Variants in ZC3H18 observed in about 807,000 individuals in gnomAD.
ZC3H18 encodes the protein zinc finger CCCH-type containing 18.
Under a neutral mutation model 106.1 loss-of-function variants are expected in ZC3H18, and 8 were observed. The ratio of observed to expected loss-of-function variants is 0.08; its 90% CI spans 0.04 to 0.14. The LOEUF is 0.14. Ranked by LOEUF, ZC3H18 falls within the 10% of genes least tolerant of loss-of-function variation. The pLI is 1.00. For synonymous variants in ZC3H18, 635 were observed against 522.1 expected, an observed-to-expected ratio of 1.22 and a Z score of -2.95; for missense variants, 1,318 against 1,278.4, an observed-to-expected ratio of 1.03 and a Z score of -0.47.
At chr16:88,611,182 T>C (rs958173710) in intron 7 of ZC3H18, 86 bp from the exon 8 acceptor site, 10 of 696,438 alleles carry the variant, frequency 1.4e-5, no homozygotes, top group African/African-American at 5.3e-5. Context: ...CACAGACAGA[T>C]CGCGTGGTGT....
At chr16:88,616,078 T>A (rs1463803384) in intron 8 of ZC3H18, among the ~76,000 whole-genome samples, 3 of 152,174 alleles carry the variant, frequency 2.0e-5, no homozygotes, top group African/African-American at 7.2e-5. Flanking sequence ...AGAGGGTAAC[T>A]CTGCCAGCAT....
intron 2 of ZC3H18, among the ~76,000 whole-genome samples, chr16:88,578,846 AC>A (rs1914931978): frequency 6.6e-6 from 1 of 152,040 alleles, no homozygotes; most frequent in Non-Finnish European, 1.5e-5. Context: ...GCCCGCCACC[AC>A]TGGCTAATTT....
At chr16:88,622,558 G>C in intron 9 of ZC3H18, 170 bp downstream of exon 9, 1 of 707,926 alleles carries the variant, frequency 1.4e-6, no homozygotes, top group South Asian at 2.1e-5. Flanking sequence ...CTTCAGCAAA[G>C]AGCATCAATG....
chr16:88,617,226 C>A (rs1905669231), intron 8 of ZC3H18, among the ~76,000 whole-genome samples: 1 of 152,168 alleles, frequency 6.6e-6, no homozygotes, highest in African/African-American at 2.4e-5. Flanking sequence ...TACTGGCTAG[C>A]TTGTCCCCGT....
intron 11 of ZC3H18, 139 bp downstream of exon 11, chr16:88,624,201 C>T: frequency 8.2e-7 from 1 of 1,220,544 alleles, no homozygotes; most frequent in Non-Finnish European, 1.1e-6. Context: ...CAGGGGGTGA[C>T]TGGGCTGGGA....
At chr16:88,592,015 T>C (rs898049632) in intron 3 of ZC3H18, among the ~76,000 whole-genome samples, 35 of 152,208 alleles carry the variant, frequency 2.3e-4, no homozygotes, top group Non-Finnish European at 4.1e-4. Context: ...GGTGGTTGTG[T>C]GTTTCATCTT....
chr16:88,597,390 A>C (rs1185890816), intron 3 of ZC3H18, among the ~76,000 whole-genome samples: 1 of 152,234 alleles, frequency 6.6e-6, no homozygotes, highest in Non-Finnish European at 1.5e-5. Flanking sequence ...TTTAAAATCT[A>C]ACTGCATGTT....
intron 8 of ZC3H18, among the ~76,000 whole-genome samples, chr16:88,617,315 T>G (rs888106493): frequency 6.6e-6 from 1 of 152,154 alleles, no homozygotes; most frequent in Non-Finnish European, 1.5e-5. Flanking sequence ...GAGACGGAGT[T>G]GTGCCGCTCT....
chr16:88,580,156 CTGTGTGTGTGTGTGTGTGTG>C lies in ZC3H18; in HGVS notation c.603+2464_603+2483del, dbSNP rs56406234. ...CCTCTCTGTCGTGACACAGGTTCAT[CTGTGTGTGTGTGTGTGTGTG>C]TGTGTGTGTGTGTGTGTGTGTGTGT... On this transcript the variant is annotated intron_variant, in intron 2 of 17. Transcript: ENST00000301011. Among the ~76,000 whole-genome samples, 11 of 126,962 alleles carry C rather than the reference CTGTGTGTGTGTGTGTGTGTG, an allele frequency of 8.7e-5. No homozygotes were observed. In the South Asian group the frequency reaches 2.7e-3, roughly 31 times the overall value. 83.3% of individuals were successfully genotyped at this position (126,962 alleles called of 152,430 possible).
chr16:88,605,453 G>T (rs957070659), intron 6 of ZC3H18, among the ~76,000 whole-genome samples: 2 of 152,246 alleles, frequency 1.3e-5, no homozygotes, highest in African/African-American at 4.8e-5. Context: ...AGGGGGCTGC[G>T]TCGCTGCTCC....
chr16:88,587,661 T>TA (rs1915515150), intron 3 of ZC3H18: 1 of 1,483,564 alleles, frequency 6.7e-7, no homozygotes, highest in African/African-American at 1.4e-5. Context: ...AAAGTCCCCC[T>TA]ACTCCAGAGG....
rs532810559 is a variant in ZC3H18, at chr16:88,595,911, C to T, written c.689-2267C>T. 2.0e-5 allele frequency among the ~76,000 whole-genome samples: 3 copies of T among 152,246 alleles called. No homozygotes were observed. The East Asian group carries it at 5.8e-4, about 29-fold the overall frequency. On this transcript the variant is annotated intron_variant, in intron 3 of 17. Coordinates refer to ENST00000301011, the MANE Select transcript of ZC3H18 (RefSeq NM_144604.4). ...CACATTCCCGACAGTTGGGTGTGTT[C>T]CTACACAGATAAAAGTTCACATTTT...
intron 8 of ZC3H18, among the ~76,000 whole-genome samples, chr16:88,621,854 G>C (rs959923506): frequency 1.3e-5 from 2 of 152,142 alleles, no homozygotes; most frequent in Non-Finnish European, 2.9e-5. Flanking sequence ...TATTAGACAC[G>C]GCAGACACCA....
intron 17 of ZC3H18, among the ~76,000 whole-genome samples, chr16:88,630,871 G>T (rs573064685): frequency 6.6e-6 from 1 of 152,170 alleles, no homozygotes; most frequent in Admixed American, 6.6e-5. Context: ...AGAATAACAG[G>T]AGGTTGTGCG....
At position 88,631,424 on chromosome 16, in the gene ZC3H18, T is replaced by A; in HGVS notation, c.*125T>A. ...AAAAAGTAAAAAAGAAAAAAAAGTT[T>A]CTCAGCTGGAAAAGAAGCCACACAG... is the stretch of plus-strand genomic sequence containing the variant. On this transcript the variant is annotated 3_prime_UTR_variant, in exon 18 of 18. Coordinates refer to ENST00000301011, the MANE Select transcript of ZC3H18 (RefSeq NM_144604.4). The A allele has an allele frequency of 3.0e-6, 4 of 1,347,780 alleles. No homozygotes were observed. The highest frequency in any genetic ancestry group is 2.4e-5 in the Admixed American group (1 of 42,352). The allele number at this position is 1,347,780 out of a possible 1,614,324, so 83.5% of individuals were successfully genotyped here. A position where few individuals can be genotyped will look rare whatever the true frequency, so the allele number is the denominator to read the frequency against.
At chr16:88,578,503 A>G (rs1185831156) in intron 2 of ZC3H18, among the ~76,000 whole-genome samples, 2 of 151,576 alleles carry the variant, frequency 1.3e-5, no homozygotes, top group Non-Finnish European at 2.9e-5. Flanking sequence ...TGAGCAAGGG[A>G]CAGAGCAGTT....
intron 11 of ZC3H18, 200 bp from the exon 12 acceptor site, chr16:88,624,402 A>G: frequency 2.4e-6 from 2 of 830,452 alleles, no homozygotes; most frequent in Non-Finnish European, 3.7e-6. Context: ...GGAGCCTGGA[A>G]GGGCTGCTGG....
intron 6 of ZC3H18, among the ~76,000 whole-genome samples, chr16:88,603,398 A>G (rs68153738): frequency 0.41 from 61,404 of 151,142 alleles, 12,741 homozygotes; most frequent in East Asian, 0.54. Context: ...AAGCGGACGG[A>G]TTGCCTGAGC....
chr16:88,582,885 CTG>C (rs1915217429), intron 2 of ZC3H18, among the ~76,000 whole-genome samples: 1 of 152,230 alleles, frequency 6.6e-6, no homozygotes, highest in East Asian at 1.9e-4. Flanking sequence ...CACAGGATTG[CTG>C]TGTACCTCGC....
Sources: gnomAD v4.1 joint callset for allele counts (sites outside exome capture counted in the v4.1 genomes callset) on GRCh38, gnomAD v4.1.1 for gene constraint, MANE v1.5 for transcripts, NCBI Gene and HGNC (gene_info 2026-07-23, HGNC 2026-07-21) for gene names.